Variants in CRABP1 observed in about 807,000 individuals in gnomAD.
CRABP1 encodes the protein cellular retinoic acid-binding protein 1.
A neutral mutation model predicts 16.4 loss-of-function variants in CRABP1; 9 were observed. That is an observed-to-expected ratio of 0.55 (90% CI 0.33 to 0.96). The LOEUF is 0.96. CRABP1 is among the 40% of genes least tolerant of loss of function. The probability of loss-of-function intolerance (pLI) is 0.03; values close to 1 mark genes in which losing one functional copy is unlikely to be tolerated. For missense variants in CRABP1, 157 were observed against 186.0 expected, an observed-to-expected ratio of 0.84 and a Z score of 0.91; for synonymous variants, 72 against 70.4, an observed-to-expected ratio of 1.02 and a Z score of -0.11.
rs993418040 is a variant in CRABP1, at chr15:78,343,973, A to AT, written c.363+369dup. ...TCCCCACGCTCACATGGCAGAAGGG[A>AT]TTTTTTTTCATTCTCATTCCCCCTT... On this transcript the variant is annotated intron_variant, in intron 3 of 3. Transcript: ENST00000299529. Among the ~76,000 whole-genome samples, 5 of 151,972 alleles carry AT rather than the reference A, an allele frequency of 3.3e-5. No individual in the cohort carries two copies. The South Asian group carries it at 6.2e-4, about 19-fold the overall frequency.
rs1030431527 is a variant in CRABP1, at chr15:78,348,193, T to C, written c.*216T>C. The stretch of plus-strand genomic sequence containing the variant: ...TCCATAGTTTGGCATTTGCACGGTT[T>C]CGAAGTCATTAAACTGGTTAGACGT... On this transcript the variant is annotated 3_prime_UTR_variant, in exon 4 of 4. Transcript: ENST00000299529. 8.6e-6 allele frequency: 5 copies of C among 580,390 alleles called. No individual in the cohort carries two copies. The highest frequency in any genetic ancestry group is 1.5e-5 in the Non-Finnish European group (5 of 327,330). 36.0% of individuals were successfully genotyped at this position (580,390 alleles called of 1,614,324 possible).
At chr15:78,344,347 C>A (rs999996074) in intron 3 of CRABP1, among the ~76,000 whole-genome samples, 2 of 152,062 alleles carry the variant, frequency 1.3e-5, no homozygotes, top group African/African-American at 4.8e-5. Context: ...GTAATCCCAG[C>A]TACTCGGGAA....
intron 3 of CRABP1, among the ~76,000 whole-genome samples, chr15:78,346,924 A>C (rs1242227374): frequency 6.6e-6 from 1 of 151,938 alleles, no homozygotes; most frequent in Non-Finnish European, 1.5e-5. Flanking sequence ...ATAAATGTAC[A>C]TTTGCAAACA....
chr15:78,343,092 G>A (rs1282864696), intron 2 of CRABP1, among the ~76,000 whole-genome samples: 1 of 151,770 alleles, frequency 6.6e-6, no homozygotes, highest in African/African-American at 2.4e-5. Flanking sequence ...TCCAGCCTGG[G>A]CAACAGAGCG....
Position 78,348,077 on chromosome 15 carries a change from A to G in CRABP1, c.*100A>G. On this transcript the variant is annotated 3_prime_UTR_variant, in exon 4 of 4. Transcript: ENST00000299529. ...CAGTGGACCGCCCTTTTCCCCTACC[A>G]ATATTAGGTGATCCCGTTTTCCCCA... 1 of 1,120,464 alleles carries G rather than the reference A, an allele frequency of 8.9e-7. No individual in the cohort carries two copies. The highest frequency in any genetic ancestry group is 1.3e-5 in the South Asian group (1 of 74,656). 69.4% of individuals were successfully genotyped at this position (1,120,464 alleles called of 1,614,324 possible). A position where few individuals can be genotyped will look rare whatever the true frequency, so the allele number is the denominator to read the frequency against.
Position 78,341,795 on chromosome 15 carries a change from T to G in CRABP1, c.249+574T>G, listed in dbSNP as rs551689220. 5.9e-6 allele frequency: 1 copy of G among 169,822 alleles called. No individual in the cohort carries two copies. The highest frequency in any genetic ancestry group is 1.4e-4 in the South Asian group (1 of 6,900). The allele number at this position is 169,822 out of a possible 1,614,324, so 10.5% of individuals were successfully genotyped here. ...GGTTCTGGCTGGGAAAATGGACTAG[T>G]TGCCCTCTCTTAGTCCTCAAGGGCA... is the stretch of plus-strand genomic sequence containing the variant. On this transcript the variant is annotated intron_variant, in intron 2 of 3. Coordinates refer to ENST00000299529, the MANE Select transcript of CRABP1 (RefSeq NM_004378.3). This position sits in a 1 kb window ranked among gnomAD's most constrained non-coding sequence, Gnocchi z 5.3.
rs370214828 is a variant in CRABP1, at chr15:78,340,413, C to T, written c.-16C>T. On this transcript the variant is annotated 5_prime_UTR_variant, in exon 1 of 4. Transcript: ENST00000299529. ...CGCCGCCGCTGTCCGTACCTGCCGC[C>T]GCCGCCACCGCCACCATGCCCAACT... 311 of 1,582,244 alleles carry T rather than the reference C, an allele frequency of 2.0e-4. 2 individuals are homozygous for T. The African/African-American group carries it at 3.6e-3, about 18-fold the overall frequency.
At position 78,343,576 on chromosome 15, in the gene CRABP1, C is replaced by T. The variant is rs773786749; in HGVS notation, c.327C>T (p.Tyr109=). Residue 109 remains tyrosine, a synonymous_variant, in exon 3 of 4, where the codon TAC becomes TAT. Transcript: ENST00000299529. ...TTGAAGGGGACGGCCCCAAAACCTA[C>T]TGGACCCGTGAGCTGGCCAACGATG... The part of the protein sequence containing the change: ...TLLEGDGPKT[Y]WTRELANDEL... The T allele has an allele frequency of 2.5e-6, 4 of 1,614,214 alleles. No individual in the cohort carries two copies. The highest frequency in any genetic ancestry group is 3.4e-6 in the Non-Finnish European group (4 of 1,180,030).
Position 78,341,257 on chromosome 15 carries a change from C to T in CRABP1, c.249+36C>T, listed in dbSNP as rs757084444. The T allele has an allele frequency of 6.3e-7, 1 of 1,580,558 alleles. No homozygotes were observed. Among genetic ancestry groups the T allele is most frequent in the African/African-American group, 1.3e-5 (1 of 74,292 alleles). On this transcript the variant is annotated intron_variant, in intron 2 of 3. Transcript: ENST00000299529. This position sits in a 1 kb window ranked among gnomAD's most constrained non-coding sequence, Gnocchi z 5.3. ...AGAGCCACTACAGCGTCCCCGTGTC[C>T]CCGCTCGGTGCCCATGGCCCACTGC...
At position 78,341,618 on chromosome 15, in the gene CRABP1, C is replaced by T; in HGVS notation, c.249+397C>T. The T allele has an allele frequency of 3.4e-6, 1 of 297,322 alleles. No homozygotes were observed. The highest frequency in any genetic ancestry group is 6.6e-6 in the Non-Finnish European group (1 of 151,290). The allele number at this position is 297,322 out of a possible 1,614,324, so 18.4% of individuals were successfully genotyped here. On this transcript the variant is annotated intron_variant, in intron 2 of 3. Transcript: ENST00000299529. This position sits in a 1 kb window ranked among gnomAD's most constrained non-coding sequence, Gnocchi z 5.3. The stretch of plus-strand genomic sequence containing the variant: ...AAGCCGCAGCTCTTGCATTCCTTTC[C>T]CGCCGTATCCCCCGCGCCCGCCCGG...
chr15:78,340,644 C>A, intron 1 of CRABP1, 146 bp downstream of exon 1: 1 of 888,176 alleles, frequency 1.1e-6, no homozygotes, highest in Non-Finnish European at 1.7e-6. Context: ...CCTTGTCTCC[C>A]AGGCGCACCG....
At chr15:78,344,873 G>A (rs1430180930) in intron 3 of CRABP1, among the ~76,000 whole-genome samples, 3 of 151,194 alleles carry the variant, frequency 2.0e-5, no homozygotes, top group African/African-American at 7.3e-5. Context: ...CTGTGATCAT[G>A]CCACTGCACT....
In CRABP1 at chr15:78,341,533, C is replaced by G. The variant is rs946546496; in HGVS notation, c.249+312C>G. 12 of 350,658 alleles carry G rather than the reference C, an allele frequency of 3.4e-5. No homozygotes were observed. The highest frequency in any genetic ancestry group is 6.6e-5 in the Non-Finnish European group (12 of 181,520). 21.7% of individuals were successfully genotyped at this position (350,658 alleles called of 1,614,324 possible). ...TTTTGCAGCGGTTTGCAGCGCCAAG[C>G]GCAGGCGGCGCAGGAGGAGGAGGAG... On this transcript the variant is annotated intron_variant, in intron 2 of 3. Coordinates refer to ENST00000299529, the MANE Select transcript of CRABP1 (RefSeq NM_004378.3). The surrounding 1 kb of genome is among the most constrained non-coding windows in gnomAD (Gnocchi z 5.3).
chr15:78,346,204 T>C (rs137960459), intron 3 of CRABP1, among the ~76,000 whole-genome samples: 4 of 152,210 alleles, frequency 2.6e-5, no homozygotes, highest in East Asian at 3.9e-4. Flanking sequence ...AAAATTAACA[T>C]GGTTCTGAGG....
At chr15:78,343,194 T>A (rs2050244576) in intron 2 of CRABP1, among the ~76,000 whole-genome samples, 1 of 152,238 alleles carries the variant, frequency 6.6e-6, no homozygotes, top group Non-Finnish European at 1.5e-5. Flanking sequence ...AATCATTTCA[T>A]GCTCTAAATT....
intron 3 of CRABP1, among the ~76,000 whole-genome samples, chr15:78,347,066 T>C (rs2050270353): frequency 6.6e-6 from 1 of 151,914 alleles, no homozygotes; most frequent in Non-Finnish European, 1.5e-5. Flanking sequence ...AGAGCAGGCC[T>C]GTGAGTAATT....
At chr15:78,345,517 T>C (rs1260843533) in intron 3 of CRABP1, among the ~76,000 whole-genome samples, 1 of 152,050 alleles carries the variant, frequency 6.6e-6, no homozygotes, top group Non-Finnish European at 1.5e-5. Flanking sequence ...CAGAGGGAGA[T>C]GATTTTAGAG....
chr15:78,342,703 C>T (rs1387669021), intron 2 of CRABP1, among the ~76,000 whole-genome samples: 2 of 152,110 alleles, frequency 1.3e-5, no homozygotes, highest in African/African-American at 2.4e-5. Context: ...CCAAAGACAC[C>T]GAGGTTTATC....
chr15:78,340,718 T>C, intron 1 of CRABP1: 1 of 614,346 alleles, frequency 1.6e-6, no homozygotes, highest in Non-Finnish European at 2.8e-6. Flanking sequence ...GCTGAATGTT[T>C]GGCGCCCTCC....
Sources: allele counts gnomAD v4.1 joint callset (sites outside exome capture counted in the v4.1 genomes callset), GRCh38; gene constraint gnomAD v4.1.1; non-coding constraint Gnocchi (gnomAD v3.1); transcripts MANE v1.5; gene names NCBI Gene and HGNC (gene_info 2026-07-23, HGNC 2026-07-21).